Variants in RPS6KA2 observed in about 807,000 individuals in gnomAD.
RPS6KA2 encodes ribosomal protein S6 kinase alpha-2.
A neutral mutation model predicts 91.8 loss-of-function variants in RPS6KA2; 42 were observed. The observed-to-expected ratio is 0.46, with a 90% confidence interval of 0.36 to 0.59. The LOEUF is 0.59. Ranked by LOEUF, RPS6KA2 falls within the 20% of genes least tolerant of loss-of-function variation. The pLI is 0.00. For synonymous variants in RPS6KA2, 414 were observed against 393.6 expected, an observed-to-expected ratio of 1.05 and a Z score of -0.61; for missense variants, 798 against 978.5, an observed-to-expected ratio of 0.82 and a Z score of 2.46.
At chr6:166,546,844 T>C (rs1162279260) in intron 1 of RPS6KA2, among the ~76,000 whole-genome samples, 1 of 152,172 alleles carries the variant, frequency 6.6e-6, no homozygotes, top group Non-Finnish European at 1.5e-5. Context: ...TTAAGAAGAA[T>C]AAAAAATGCT....
chr6:166,853,828 G>A (rs1444801996), intron 2 of RPS6KA2, among the ~76,000 whole-genome samples: 3 of 152,246 alleles, frequency 2.0e-5, no homozygotes, highest in Non-Finnish European at 4.4e-5. Flanking sequence ...GCCTCATGGA[G>A]GCGCTCTCAG....
At position 166,733,473 on chromosome 6, in the gene RPS6KA2, C is replaced by A. The variant is rs572145210; in HGVS notation, c.123+124727G>T. Among the ~76,000 whole-genome samples the A allele has an allele frequency of 6.6e-6, 1 of 152,226 alleles. No homozygotes were observed. Among genetic ancestry groups the A allele is most frequent in the Non-Finnish European group, 1.5e-5 (1 of 68,032 alleles). On this transcript the variant is annotated intron_variant, in intron 2 of 21. Coordinates refer to the RPS6KA2 transcript ENST00000503859. This position sits in a 1 kb window ranked among gnomAD's most constrained non-coding sequence, Gnocchi z 4.1. ...AAAAGACATAGGGACCCTTACAGTA[C>A]GAGTTTTGGGTACTAACCCCATGGC...
chr6:166,643,767 T>C (rs1458623372), intron 2 of RPS6KA2, among the ~76,000 whole-genome samples: 1 of 152,264 alleles, frequency 6.6e-6, no homozygotes, highest in East Asian at 1.9e-4. Context: ...TCAAGGATGC[T>C]CTCTGTGACC....
intron 20 of RPS6KA2, among the ~76,000 whole-genome samples, 188 bp from the exon 21 acceptor site, chr6:166,413,075 A>C (rs186495845): frequency 1.3e-5 from 2 of 151,836 alleles, no homozygotes; most frequent in East Asian, 3.9e-4. Context: ...GCCCCAGGAG[A>C]CAGGGGCCCT....
At chr6:166,746,115 G>C (rs554523124) in intron 2 of RPS6KA2, among the ~76,000 whole-genome samples, 23 of 152,180 alleles carry the variant, frequency 1.5e-4, no homozygotes, top group Non-Finnish European at 2.6e-4. Flanking sequence ...GGTCCTTTCA[G>C]CAAAGAAGCC....
intron 1 of RPS6KA2, among the ~76,000 whole-genome samples, chr6:166,622,347 A>G (rs3799568): frequency 0.093 from 14,215 of 152,266 alleles, 902 homozygotes; most frequent in South Asian, 0.2. Flanking sequence ...ATGTCTTTAA[A>G]ATGAGTATAT....
intron 2 of RPS6KA2, among the ~76,000 whole-genome samples, chr6:166,652,405 C>A (rs1020843752): frequency 6.6e-6 from 1 of 152,200 alleles, no homozygotes; most frequent in African/African-American, 2.4e-5. Flanking sequence ...ATAAATTAAC[C>A]TGTTTTCCTT....
chr6:166,787,271 C>A (rs1778957102), intron 2 of RPS6KA2, among the ~76,000 whole-genome samples: 1 of 151,740 alleles, frequency 6.6e-6, no homozygotes, highest in Non-Finnish European at 1.5e-5. Flanking sequence ...GGGGATTGTA[C>A]TAATAAATTA....
At chr6:166,631,638 T>C (rs1345776356), upstream of RPS6KA2, among the ~76,000 whole-genome samples, 1 of 152,386 alleles carries the variant, frequency 6.6e-6, no homozygotes, top group East Asian at 1.9e-4. Flanking sequence ...ACACAGATTT[T>C]TTTTCGTCCC....
At chr6:166,507,297 A>C (rs1264163106) in intron 5 of RPS6KA2, among the ~76,000 whole-genome samples, 1 of 152,006 alleles carries the variant, frequency 6.6e-6, no homozygotes, top group African/African-American at 2.4e-5. Flanking sequence ...TGCCAGGGCC[A>C]CCTGGGACGA....
intron 7 of RPS6KA2, 50 bp from the exon 8 acceptor site, chr6:166,498,700 G>A: frequency 6.2e-7 from 1 of 1,603,406 alleles, no homozygotes; most frequent in Non-Finnish European, 8.5e-7. Context: ...GGTGTGTTCG[G>A]GGGTCCACAC....
chr6:166,573,811 C>T (rs1784759730), intron 1 of RPS6KA2, among the ~76,000 whole-genome samples: 1 of 152,204 alleles, frequency 6.6e-6, no homozygotes, highest in South Asian at 2.1e-4. Flanking sequence ...AGAGATGGAA[C>T]TTCCCAGTTT....
chr6:166,422,303 T>C (rs1379885305), intron 17 of RPS6KA2, among the ~76,000 whole-genome samples: 4 of 152,152 alleles, frequency 2.6e-5, no homozygotes, highest in African/African-American at 9.7e-5. Flanking sequence ...GCACATCCGT[T>C]CACGTCTCAG....
chr6:166,623,967 G>A (rs1430014149), intron 1 of RPS6KA2, among the ~76,000 whole-genome samples: 5 of 152,148 alleles, frequency 3.3e-5, no homozygotes, highest in Admixed American at 2.6e-4. Context: ...TTTAGCAAAT[G>A]TTGGGTTATG....
intron 3 of RPS6KA2, among the ~76,000 whole-genome samples, chr6:166,527,514 G>C (rs917094191): frequency 6.6e-6 from 1 of 152,166 alleles, no homozygotes; most frequent in African/African-American, 2.4e-5. Context: ...TTTAGGAAAG[G>C]AACGTATTAT....
Position 166,448,669 on chromosome 6 carries a change from G to A in RPS6KA2, c.1332+55C>T. 1 of 1,550,046 alleles carries A rather than the reference G, an allele frequency of 6.5e-7. No individual in the cohort carries two copies. ...CTCCGTGCTCCCACATACCACACGT[G>A]CTCCCACGCGCTGCACTCACACAGG... On this transcript the variant is annotated intron_variant, in intron 14 of 20. Coordinates refer to ENST00000265678, the MANE Select transcript of RPS6KA2 (RefSeq NM_021135.6). This position sits in a 1 kb window ranked among gnomAD's most constrained non-coding sequence, Gnocchi z 4.7.
intron 16 of RPS6KA2, among the ~76,000 whole-genome samples, chr6:166,430,203 C>T (rs757282577): frequency 6.6e-6 from 1 of 151,826 alleles, no homozygotes; most frequent in African/African-American, 2.4e-5. Flanking sequence ...CTCCTGACCT[C>T]GTGATCTGCC....
intron 2 of RPS6KA2, among the ~76,000 whole-genome samples, chr6:166,818,422 G>A (rs760499818): frequency 6.6e-6 from 1 of 152,118 alleles, no homozygotes; most frequent in Non-Finnish European, 1.5e-5. Context: ...AAGCTGCATC[G>A]CTGTTGCCAA....
chr6:166,800,420 G>A (rs1404596419), intron 2 of RPS6KA2, among the ~76,000 whole-genome samples: 2 of 152,196 alleles, frequency 1.3e-5, no homozygotes, highest in Admixed American at 6.5e-5. Context: ...CTTCCACAGC[G>A]CATACACTGG....
Sources: allele counts gnomAD v4.1 joint callset (sites outside exome capture counted in the v4.1 genomes callset), GRCh38; gene constraint gnomAD v4.1.1; non-coding constraint Gnocchi (gnomAD v3.1); transcripts MANE v1.5; gene names NCBI Gene and HGNC (gene_info 2026-07-23, HGNC 2026-07-21).